Variants in SGMS1 observed in about 807,000 individuals in gnomAD.
SGMS1 encodes the protein phosphatidylcholine:ceramide cholinephosphotransferase 1.
In SGMS1, 13 loss-of-function variants were observed where a neutral mutation model predicts 46.2. The observed-to-expected ratio is 0.28, with a 90% CI of 0.18 to 0.45. The LOEUF is 0.45. Among genes scored for constraint, SGMS1 ranks in the 20% least tolerant of loss-of-function variants. The pLI is 1.00. For synonymous variants in SGMS1, 203 were observed against 187.8 expected (o/e 1.08, Z -0.66); for missense variants, 324 against 519.9 (o/e 0.62, Z 3.66).
At chr10:50,400,552 G>T (rs976681014) in intron 6 of SGMS1, among the ~76,000 whole-genome samples, 1 of 150,940 alleles carries the variant, frequency 6.6e-6, no homozygotes, top group African/African-American at 2.4e-5. Context: ...TTGGACTCAA[G>T]CAATCCTCCC....
At chr10:50,374,836 A>G (rs1392430738) in intron 6 of SGMS1, among the ~76,000 whole-genome samples, 3 of 152,134 alleles carry the variant, frequency 2.0e-5, no homozygotes, top group African/African-American at 7.2e-5. Flanking sequence ...TCTTCCCCAG[A>G]TATCCTCATA....
chr10:50,618,545 A>G (rs1838819135), intron 1 of SGMS1, among the ~76,000 whole-genome samples: 1 of 152,216 alleles, frequency 6.6e-6, no homozygotes, highest in Non-Finnish European at 1.5e-5. Context: ...TTTACTAAGA[A>G]ATCATATAAG....
chr10:50,577,140 TA>T (rs1838392449), intron 2 of SGMS1, among the ~76,000 whole-genome samples: 1 of 152,204 alleles, frequency 6.6e-6, no homozygotes, highest in South Asian at 2.1e-4. Flanking sequence ...CTGCTTCCGT[TA>T]AGCTAGGGGT....
chr10:50,385,878 C>T (rs138251146), intron 6 of SGMS1, among the ~76,000 whole-genome samples: 5 of 152,200 alleles, frequency 3.3e-5, no homozygotes, highest in East Asian at 3.9e-4. Flanking sequence ...ATGCAAGAGC[C>T]GAACCCCTGT....
At chr10:50,367,705 T>C (rs1848369329) in intron 6 of SGMS1, among the ~76,000 whole-genome samples, 1 of 152,214 alleles carries the variant, frequency 6.6e-6, no homozygotes, top group Admixed American at 6.5e-5. Context: ...ATCAATTCAT[T>C]ACATCCTTTC....
In SGMS1 at chr10:50,572,528, A is replaced by G. The variant is rs1490983825; in HGVS notation, c.-589+17625T>C. ...GAGATGGGTTGGGGGAAGAAGGGAG[A>G]GAGAGAGGAGAGGGGTGATGGGAGG... On this transcript the variant is annotated intron_variant, in intron 2 of 10. Transcript: ENST00000361781. 1.3e-5 allele frequency among the ~76,000 whole-genome samples: 2 copies of G among 152,072 alleles called. 1 individual carries two copies. The highest frequency in any genetic ancestry group is 2.9e-5 in the Non-Finnish European group (2 of 68,028).
chr10:50,338,101 T>C (rs1181326096), intron 7 of SGMS1, among the ~76,000 whole-genome samples: 1 of 152,190 alleles, frequency 6.6e-6, no homozygotes, highest in African/African-American at 2.4e-5. Context: ...TCATTTTTCT[T>C]CTTTACTTCC....
At chr10:50,507,140 C>T (rs941960013) in intron 3 of SGMS1, among the ~76,000 whole-genome samples, 4 of 152,186 alleles carry the variant, frequency 2.6e-5, no homozygotes, top group Non-Finnish European at 5.9e-5. Flanking sequence ...AAGCTCTATC[C>T]CTGTCAGGCC....
intron 6 of SGMS1, among the ~76,000 whole-genome samples, chr10:50,364,194 CAGG>C: frequency 6.6e-6 from 1 of 151,746 alleles, no homozygotes; most frequent in South Asian, 2.1e-4. Flanking sequence ...ATCTGAATAG[CAGG>C]AGTTCAAGAA....
intron 7 of SGMS1, among the ~76,000 whole-genome samples, chr10:50,337,140 T>C (rs1377993142): frequency 6.6e-6 from 1 of 152,192 alleles, no homozygotes; most frequent in African/African-American, 2.4e-5. Context: ...GGGAATTTTG[T>C]CCTCATGAGT....
intron 3 of SGMS1, among the ~76,000 whole-genome samples, chr10:50,493,851 G>A (rs1041096349): frequency 6.6e-6 from 1 of 152,166 alleles, no homozygotes. Flanking sequence ...AGGCTGGAGT[G>A]CGATGGCACA....
In SGMS1 at chr10:50,310,717, A is replaced by G. The variant is rs2140407; in HGVS notation, c.895+545T>C. ...CCATGTATGCGGTATTTATAATATTATTTTGTGATTTCACAATAAAATATT... is the reference window on the plus strand; with the variant it reads ...CCATGTATGCGGTATTTATAATATTGTTTTGTGATTTCACAATAAAATATT... On this transcript the variant is annotated intron_variant, in intron 9 of 10. Transcript: ENST00000361781. 0.032 allele frequency among the ~76,000 whole-genome samples: 4,933 copies of G among 152,306 alleles called. 461 individuals are homozygous for G. In the East Asian group the frequency reaches 0.34, roughly 11 times the overall value.
At chr10:50,503,189 T>C (rs1462541580) in intron 3 of SGMS1, among the ~76,000 whole-genome samples, 1 of 152,182 alleles carries the variant, frequency 6.6e-6, no homozygotes, top group African/African-American at 2.4e-5. Flanking sequence ...TTGTCACTGA[T>C]GGGGAAATGA....
chr10:50,307,934 A>G lies in SGMS1; in HGVS notation c.1062+48T>C. ...TTTGCACCCTGTCCAAGCCAGCAAC[A>G]TCAAGCCAGAAACAACAGAAGCTAA... On this transcript the variant is annotated intron_variant, in intron 10 of 10. Transcript: ENST00000361781. The surrounding 1 kb of genome is among the most constrained non-coding windows in gnomAD (Gnocchi z 4.2). The G allele has an allele frequency of 6.2e-7, 1 of 1,607,366 alleles. No homozygotes were observed. Among genetic ancestry groups the G allele is most frequent in the Non-Finnish European group, 8.5e-7 (1 of 1,176,580 alleles).
intron 3 of SGMS1, among the ~76,000 whole-genome samples, chr10:50,469,112 A>C (rs1445985235): frequency 1.3e-5 from 2 of 152,214 alleles, no homozygotes; most frequent in Non-Finnish European, 2.9e-5. Flanking sequence ...GAAATGGGAA[A>C]GGGTTCCAAA....
intron 1 of SGMS1, chr10:50,590,671 C>G (rs1185053678): frequency 6.6e-6 from 1 of 152,018 alleles, no homozygotes; most frequent in African/African-American, 2.4e-5. Context: ...CTGGTAAAAA[C>G]AAGAAAACTT....
chr10:50,478,380 A>T (rs1465989686), intron 3 of SGMS1, among the ~76,000 whole-genome samples: 1 of 152,186 alleles, frequency 6.6e-6, no homozygotes, highest in African/African-American at 2.4e-5. Flanking sequence ...GCAAAGTAAC[A>T]CATGTATTTG....
chr10:50,514,974 A>C (rs1837788928), intron 3 of SGMS1, among the ~76,000 whole-genome samples: 1 of 152,252 alleles, frequency 6.6e-6, no homozygotes, highest in Non-Finnish European at 1.5e-5. Context: ...CGCATCAAAC[A>C]GAAGATACAA....
At chr10:50,482,101 G>GAT (rs955705352) in intron 3 of SGMS1, among the ~76,000 whole-genome samples, 97 of 152,148 alleles carry the variant, frequency 6.4e-4, no homozygotes, top group African/African-American at 2.2e-3. Flanking sequence ...CATACTTCAG[G>GAT]ATATCATTCA....
Sources: allele counts gnomAD v4.1 joint callset (sites outside exome capture counted in the v4.1 genomes callset), GRCh38; gene constraint gnomAD v4.1.1; non-coding constraint Gnocchi (gnomAD v3.1); transcripts MANE v1.5; gene names NCBI Gene and HGNC (gene_info 2026-07-23, HGNC 2026-07-21).